The following NYAP2 variants were observed in gnomAD, a reference collection of about 807,000 sequenced individuals.
NYAP2 encodes the protein neuronal tyrosine-phosphorylated phosphoinositide-3-kinase adapter 2.
Under a neutral mutation model 50.4 loss-of-function variants are expected in NYAP2, and 23 were observed. The observed-to-expected ratio is 0.46, with a 90% CI of 0.33 to 0.65. The LOEUF (loss-of-function observed/expected upper bound fraction) is 0.65. NYAP2 is among the 30% of genes least tolerant of loss of function. The probability of loss-of-function intolerance (pLI) is 0.02; values close to 1 mark genes in which losing one functional copy is unlikely to be tolerated. For missense variants in NYAP2, 885 were observed against 861.0 expected (o/e 1.03, Z -0.35); for synonymous variants, 394 against 365.2 (o/e 1.08, Z -0.90).
intron 3 of NYAP2, among the ~76,000 whole-genome samples, chr2:225,457,116 C>CCCATATCAT (rs1463631284): frequency 6.6e-6 from 1 of 152,204 alleles, no homozygotes. Flanking sequence ...ATTTATCGAG[C>CCCATATCAT]CCATATCATG....
chr2:225,505,888 A>G (rs568459111), intron 3 of NYAP2, among the ~76,000 whole-genome samples: 1 of 152,284 alleles, frequency 6.6e-6, no homozygotes, highest in South Asian at 2.1e-4. Context: ...CACAATGGGA[A>G]GAAGGATGAA....
chr2:225,425,505 G>T (rs1468206384), intron 3 of NYAP2, among the ~76,000 whole-genome samples: 4 of 152,092 alleles, frequency 2.6e-5, no homozygotes, highest in Non-Finnish European at 5.9e-5. Context: ...TTTTATAACT[G>T]GCTAATTTCA....
chr2:225,589,691 T>A (rs1472028864), intron 5 of NYAP2, among the ~76,000 whole-genome samples: 1 of 151,540 alleles, frequency 6.6e-6, no homozygotes, highest in South Asian at 2.1e-4. Context: ...CAAGACCCTG[T>A]CTTAAAAAAT....
At chr2:225,415,604 C>G (rs1695110040) in intron 3 of NYAP2, among the ~76,000 whole-genome samples, 1 of 152,002 alleles carries the variant, frequency 6.6e-6, no homozygotes, top group Non-Finnish European at 1.5e-5. Flanking sequence ...AATGATATAC[C>G]CGCTCATTGC....
In NYAP2 at chr2:225,502,456, A is replaced by T. The variant is rs116400832; in HGVS notation, c.222-10915A>T. Among the ~76,000 whole-genome samples the T allele has an allele frequency of 1.9e-3, 289 of 152,340 alleles. 1 individual carries two copies. Among genetic ancestry groups the T allele is most frequent in the African/African-American group, 6.7e-3 (278 of 41,590 alleles). On this transcript the variant is annotated intron_variant, in intron 3 of 6. Transcript: ENST00000636099. ...CTGTTGCTTAAGAAACCTGTGAGTT[A>T]TTCTTGAACTATTCCCAAACATATA...
intron 4 of NYAP2, among the ~76,000 whole-genome samples, chr2:225,565,045 G>A: frequency 6.6e-6 from 1 of 151,780 alleles, no homozygotes; most frequent in East Asian, 1.9e-4. Flanking sequence ...CAGGAGAATT[G>A]CTTGTACCTT....
At chr2:225,595,094 C>A (rs968497638) in intron 5 of NYAP2, among the ~76,000 whole-genome samples, 1 of 152,150 alleles carries the variant, frequency 6.6e-6, no homozygotes, top group African/African-American at 2.4e-5. Flanking sequence ...CTTTTCTATA[C>A]ATATTCTACT....
intron 3 of NYAP2, among the ~76,000 whole-genome samples, chr2:225,499,818 T>C (rs891765623): frequency 2.3e-4 from 35 of 152,022 alleles, no homozygotes; most frequent in African/African-American, 7.7e-4. Flanking sequence ...GAATGAATGA[T>C]TTAGTAAACG....
At chr2:225,536,834 A>G (rs532286403) in intron 4 of NYAP2, among the ~76,000 whole-genome samples, 2 of 150,802 alleles carry the variant, frequency 1.3e-5, no homozygotes, top group East Asian at 3.9e-4. Flanking sequence ...GATGGAGTGC[A>G]GTGGTGTGAT....
the NYAP2 span, among the ~76,000 whole-genome samples, chr2:225,675,052 T>A: frequency 6.6e-6 from 1 of 152,106 alleles, no homozygotes; most frequent in Non-Finnish European, 1.5e-5. Flanking sequence ...TAACTAGAAA[T>A]TTTTTTACAA....
At chr2:225,651,844 G>T in exon 7 of NYAP2, 1 of 300,992 alleles carries the variant, frequency 3.3e-6, no homozygotes, top group Non-Finnish European at 6.1e-6. Flanking sequence ...TATTGGCTTA[G>T]TGGTTCTTTT....
intron 3 of NYAP2, among the ~76,000 whole-genome samples, chr2:225,487,075 T>G (rs902839786): frequency 1.3e-5 from 2 of 152,244 alleles, no homozygotes; most frequent in African/African-American, 4.8e-5. Flanking sequence ...TAGATTCTCT[T>G]GAACACCCTC....
chr2:225,557,858 T>C (rs1229875922), intron 4 of NYAP2, among the ~76,000 whole-genome samples: 1 of 152,158 alleles, frequency 6.6e-6, no homozygotes, highest in Non-Finnish European at 1.5e-5. Flanking sequence ...TATTTTAAAG[T>C]TAGGTGGAAT....
At chr2:225,492,080 G>C (rs1690417492) in intron 3 of NYAP2, among the ~76,000 whole-genome samples, 1 of 152,148 alleles carries the variant, frequency 6.6e-6, no homozygotes, top group East Asian at 1.9e-4. Context: ...TTAAGGCCAG[G>C]AGAAGATCCA....
the NYAP2 span, among the ~76,000 whole-genome samples, chr2:225,683,072 C>T: frequency 6.6e-6 from 1 of 152,170 alleles, no homozygotes; most frequent in African/African-American, 2.4e-5. Context: ...TGACTCTTTG[C>T]ATTCTTTGGA....
intron 5 of NYAP2, among the ~76,000 whole-genome samples, chr2:225,616,827 A>G (rs1298225817): frequency 6.6e-6 from 1 of 152,076 alleles, no homozygotes; most frequent in East Asian, 1.9e-4. Flanking sequence ...AAATTTGATG[A>G]CTGAATCTAA....
At chr2:225,583,865 C>A (rs1310796454) in intron 5 of NYAP2, among the ~76,000 whole-genome samples, 1 of 152,122 alleles carries the variant, frequency 6.6e-6, no homozygotes, top group Non-Finnish European at 1.5e-5. Flanking sequence ...ACTGTGAAAC[C>A]CCATCTCTAC....
At chr2:225,408,610 T>C (rs1035981201) in intron 2 of NYAP2, among the ~76,000 whole-genome samples, 11 of 152,104 alleles carry the variant, frequency 7.2e-5, no homozygotes, top group African/African-American at 2.4e-5. Flanking sequence ...TATTTACCCC[T>C]TCCCATCATA....
chr2:225,643,741 C>G (rs1354719182), intron 6 of NYAP2, among the ~76,000 whole-genome samples: 3 of 151,810 alleles, frequency 2.0e-5, no homozygotes, highest in East Asian at 1.9e-4. Context: ...ATGATTTCCA[C>G]TTTCATCCAT....
Sources: gnomAD v4.1 joint callset for allele counts (sites outside exome capture counted in the v4.1 genomes callset) on GRCh38, gnomAD v4.1.1 for gene constraint, MANE v1.5 for transcripts, NCBI Gene and HGNC (gene_info 2026-07-23, HGNC 2026-07-21) for gene names.